Variants in TBC1D4 observed in about 807,000 individuals in gnomAD.
TBC1D4 encodes TBC1 domain family member 4.
A neutral mutation model predicts 142.5 loss-of-function variants in TBC1D4; 121 were observed. The ratio of observed to expected loss-of-function variants is 0.85; its 90% CI spans 0.73 to 0.99. The LOEUF is 0.99. TBC1D4 is among the 50% of genes least tolerant of loss of function. TBC1D4 has a pLI of 0.00. For synonymous variants in TBC1D4, 630 were observed against 628.2 expected (o/e 1.00, Z -0.04); for missense variants, 1,475 against 1,606.6 (o/e 0.92, Z 1.40).
chr13:75,457,977 C>T (rs996573522), intron 1 of TBC1D4, among the ~76,000 whole-genome samples: 36 of 152,156 alleles, frequency 2.4e-4, no homozygotes, highest in African/African-American at 8.4e-4. Flanking sequence ...TCTCTGGCCG[C>T]ATAGTAGCAT....
intron 5 of TBC1D4, 103 bp from the exon 6 acceptor site, chr13:75,341,690 T>A (rs1880719268): frequency 1.1e-6 from 1 of 886,452 alleles, no homozygotes; most frequent in Admixed American, 1.9e-5. Flanking sequence ...GGCTCTGAAC[T>A]TAAATCTTCT....
intron 7 of TBC1D4, 45 bp from the exon 8 acceptor site, chr13:75,337,085 G>A (rs1367608001): frequency 1.3e-6 from 2 of 1,573,034 alleles, no homozygotes; most frequent in Non-Finnish European, 1.7e-6. Flanking sequence ...AAATACTCAA[G>A]GTTAAATGAA....
chr13:75,312,016 C>T (rs1380349978), intron 13 of TBC1D4, among the ~76,000 whole-genome samples: 2 of 152,022 alleles, frequency 1.3e-5, no homozygotes, highest in Admixed American at 6.6e-5. Context: ...GATTTCACTC[C>T]AGAATTCTTT....
At chr13:75,326,973 G>A (rs950246170) in intron 9 of TBC1D4, among the ~76,000 whole-genome samples, 4 of 152,136 alleles carry the variant, frequency 2.6e-5, no homozygotes, top group East Asian at 1.9e-4. Flanking sequence ...TTCCCTCACC[G>A]TGGATGTTTC....
intron 18 of TBC1D4, among the ~76,000 whole-genome samples, chr13:75,293,031 T>C (rs986697293): frequency 2.6e-5 from 4 of 152,186 alleles, no homozygotes; most frequent in South Asian, 2.1e-4. Flanking sequence ...GGCACATGCC[T>C]GTAGTCTTAG....
chr13:75,417,265 C>T (rs1020356019), intron 1 of TBC1D4, among the ~76,000 whole-genome samples: 13 of 152,172 alleles, frequency 8.5e-5, no homozygotes, highest in Non-Finnish European at 2.9e-5. Context: ...TCACCTCCTT[C>T]TACTTCCCAA....
At chr13:75,339,429 G>A (rs1163162965) in intron 7 of TBC1D4, among the ~76,000 whole-genome samples, 1 of 152,022 alleles carries the variant, frequency 6.6e-6, no homozygotes, top group Non-Finnish European at 1.5e-5. Context: ...AGTCAGGCCT[G>A]CCAGTAACTT....
At chr13:75,317,546 T>C (rs1220044143) in intron 12 of TBC1D4, among the ~76,000 whole-genome samples, 2 of 152,254 alleles carry the variant, frequency 1.3e-5, no homozygotes, top group Non-Finnish European at 2.9e-5. Context: ...TAATCATCTT[T>C]ACATTTCTTA....
chr13:75,430,310 C>G (rs145481449), intron 1 of TBC1D4, among the ~76,000 whole-genome samples: 57 of 152,260 alleles, frequency 3.7e-4, no homozygotes, highest in African/African-American at 1.3e-3. Flanking sequence ...AGGCTGACAG[C>G]TTTTACTCTG....
chr13:75,368,473 G>A (rs976715642), intron 1 of TBC1D4, among the ~76,000 whole-genome samples: 2 of 138,150 alleles, frequency 1.4e-5, no homozygotes, highest in African/African-American at 6.0e-5. Flanking sequence ...TGGCAACTTT[G>A]CTCCAAACCC....
chr13:75,360,844 A>C (rs1299019421), intron 2 of TBC1D4, among the ~76,000 whole-genome samples: 2 of 152,200 alleles, frequency 1.3e-5, no homozygotes, highest in Admixed American at 1.3e-4. Context: ...TGCTTTTTCT[A>C]TAATAAAATA....
chr13:75,410,109 G>C (rs188036177), intron 1 of TBC1D4, among the ~76,000 whole-genome samples: 9 of 152,270 alleles, frequency 5.9e-5, no homozygotes, highest in Admixed American at 2.6e-4. Context: ...GTTTAAATAA[G>C]CTAATGTACG....
At chr13:75,293,923 CA>C (rs1875606202) in intron 18 of TBC1D4, among the ~76,000 whole-genome samples, 1 of 152,016 alleles carries the variant, frequency 6.6e-6, no homozygotes, top group Admixed American at 6.5e-5. Context: ...ACAATGGCGC[CA>C]ATACAATTTG....
intron 1 of TBC1D4, among the ~76,000 whole-genome samples, chr13:75,451,521 T>C (rs1887530274): frequency 6.7e-6 from 1 of 149,852 alleles, no homozygotes. Flanking sequence ...CTCTACAAAA[T>C]ATAAAAAATG....
intron 12 of TBC1D4, among the ~76,000 whole-genome samples, chr13:75,315,718 C>A (rs1042055882): frequency 1.3e-5 from 2 of 152,026 alleles, no homozygotes; most frequent in African/African-American, 4.8e-5. Context: ...AATATTAACT[C>A]AGAAGTTTAA....
intron 15 of TBC1D4, 125 bp downstream of exon 15, chr13:75,306,188 T>C: frequency 1.1e-6 from 1 of 900,856 alleles, no homozygotes; most frequent in Non-Finnish European, 1.6e-6. Flanking sequence ...CTTCTCTTTT[T>C]TTACTAAGCA....
chr13:75,312,733 C>G lies in TBC1D4; in HGVS notation c.2383+5G>C. 2 of 1,614,164 alleles carry G rather than the reference C, an allele frequency of 1.2e-6. No individual in the cohort carries two copies. The highest frequency in any genetic ancestry group is 1.7e-6 in the Non-Finnish European group (2 of 1,180,014). ...GATAAATTCCTTAGGGAGTGCAACA[C>G]AGACCTTGCTGTTGCATTGCTGAGG... On this transcript the variant is annotated splice_donor_5th_base_variant and intron_variant, in intron 13 of 20. Transcript: ENST00000377636.
intron 1 of TBC1D4, among the ~76,000 whole-genome samples, chr13:75,394,243 T>A (rs1446733584): frequency 6.6e-6 from 1 of 152,190 alleles, no homozygotes; most frequent in Non-Finnish European, 1.5e-5. Context: ...AACTCAGATA[T>A]TTAAAACAAG....
At chr13:75,400,875 C>T (rs7326877) in intron 1 of TBC1D4, among the ~76,000 whole-genome samples, 2,989 of 152,226 alleles carry the variant, frequency 0.02, 98 homozygotes, top group African/African-American at 0.067. Flanking sequence ...AGTTCTCCAG[C>T]TTCATGTGCA....
Sources: gnomAD v4.1 joint callset for allele counts (sites outside exome capture counted in the v4.1 genomes callset) on GRCh38, gnomAD v4.1.1 for gene constraint, MANE v1.5 for transcripts, NCBI Gene and HGNC (gene_info 2026-07-23, HGNC 2026-07-21) for gene names.